The following CHRNB1 variants were observed in gnomAD, a reference collection of about 807,000 sequenced individuals.
The protein encoded by CHRNB1 is acetylcholine receptor subunit beta.
In CHRNB1, 47 loss-of-function variants were observed where a neutral mutation model predicts 53.8. The observed-to-expected ratio is 0.87, with a 90% CI of 0.69 to 1.11. The LOEUF is 1.11. Among genes scored for constraint, CHRNB1 ranks in the 50% most tolerant of loss-of-function variants. The probability of loss-of-function intolerance (pLI) is 0.00; values close to 1 mark genes in which losing one functional copy is unlikely to be tolerated. For synonymous variants in CHRNB1, 259 were observed against 263.5 expected (o/e 0.98, Z 0.16); for missense variants, 605 against 654.9 (o/e 0.92, Z 0.83).
At chr17:7,454,702 C>G (rs1909009457) in intron 8 of CHRNB1, among the ~76,000 whole-genome samples, 182 bp downstream of exon 8, 1 of 151,344 alleles carries the variant, frequency 6.6e-6, no homozygotes. Flanking sequence ...TACTGCCCAT[C>G]TCGGGTCCCA....
At chr17:7,452,589 G>T (rs751659505) in intron 7 of CHRNB1, among the ~76,000 whole-genome samples, 2 of 152,164 alleles carry the variant, frequency 1.3e-5, no homozygotes, top group Non-Finnish European at 1.5e-5. Context: ...ACATACTCAC[G>T]AGTGTGCCAT....
In CHRNB1 at chr17:7,445,223, C is replaced by A. The variant is rs200985395; in HGVS notation, c.58+38C>A. The stretch of plus-strand genomic sequence containing the variant: ...CCCGAAGGGGCAGTGACGGGGCCAG[C>A]GGTCGTGGCCAGGCACCAGGGCTGC... On this transcript the variant is annotated intron_variant, in intron 1 of 10. Coordinates refer to ENST00000306071, the MANE Select transcript of CHRNB1 (RefSeq NM_000747.3). The surrounding 1 kb of genome is among the most constrained non-coding windows in gnomAD (Gnocchi z 5.7). 1.2e-4 allele frequency: 196 copies of A among 1,611,342 alleles called. 1 individual carries two copies. The highest frequency in any genetic ancestry group is 1.2e-5 in the Non-Finnish European group (14 of 1,179,370).
In CHRNB1 at chr17:7,445,427, G is replaced by C; in HGVS notation, c.198+18G>C. ...TCAGCCTGGTGAGGGCGCGCGGGGG[G>C]TGGAGGTCAGGCCAGCCGACCGGCC... On this transcript the variant is annotated intron_variant, in intron 2 of 10. Coordinates refer to ENST00000306071, the MANE Select transcript of CHRNB1 (RefSeq NM_000747.3). The surrounding 1 kb of genome is among the most constrained non-coding windows in gnomAD (Gnocchi z 5.7). 6.2e-7 allele frequency: 1 copy of C among 1,609,730 alleles called. No homozygotes were observed. The highest frequency in any genetic ancestry group is 1.1e-5 in the South Asian group (1 of 90,810).
chr17:7,448,602 C>T lies in CHRNB1; in HGVS notation c.634C>T (p.His212Tyr), dbSNP rs1330559735. ...AGAGAATGGCCAGTGGGAGATTATCCACAAGCCCTCTCGGCTAATCCAGCC... is the reference window on the plus strand; with the variant it reads ...AGAGAATGGCCAGTGGGAGATTATCTACAAGCCCTCTCGGCTAATCCAGCC... Reference protein sequence around the residue: ...FIENGQWEIIHKPSRLIQPPG... With the variant: ...FIENGQWEIIYKPSRLIQPPG... Residue 212 changes from histidine (H) to tyrosine (Y), a missense_variant, in exon 7 of 11, where the codon CAC (histidine) becomes TAC (tyrosine). His to Tyr is a moderately conservative substitution (Grantham distance 83). Transcript: ENST00000306071. 6.2e-7 allele frequency: 1 copy of T among 1,614,138 alleles called. No individual in the cohort carries two copies. The highest frequency in any genetic ancestry group is 8.5e-7 in the Non-Finnish European group (1 of 1,180,018).
At chr17:7,454,568 T>G in intron 8 of CHRNB1, 48 bp downstream of exon 8, 1 of 1,436,792 alleles carries the variant, frequency 7.0e-7, no homozygotes, top group Non-Finnish European at 9.8e-7. Context: ...TTACAGACCA[T>G]AGGGAGAACT....
Position 7,456,584 on chromosome 17 carries a change from T to A in CHRNB1, c.1367T>A (p.Leu456Gln). ...QLQEQEDHDA[L>Q]KEDWQFVAMV... ...GAAGTTTCCTTTGCCTACCCACAGC[T>A]GAAGGAGGACTGGCAGTTTGTGGCC... Residue 456 changes from leucine to glutamine, a missense_variant and splice_region_variant, in exon 11 of 11, where the codon CTG (leucine) becomes CAG (glutamine). Transcript: ENST00000306071. 1 of 1,614,064 alleles carries A rather than the reference T, an allele frequency of 6.2e-7. No homozygotes were observed. The highest frequency in any genetic ancestry group is 8.5e-7 in the Non-Finnish European group (1 of 1,180,002).
chr17:7,447,331 C>G, intron 5 of CHRNB1, 172 bp from the exon 6 acceptor site: 1 of 925,808 alleles, frequency 1.1e-6, no homozygotes, highest in Non-Finnish European at 1.7e-6. Context: ...TCTTTGACTT[C>G]TAGTCTTACT....
At chr17:7,456,137 C>T (rs1268473216) in intron 10 of CHRNB1, among the ~76,000 whole-genome samples, 196 bp downstream of exon 10, 1 of 147,514 alleles carries the variant, frequency 6.8e-6, no homozygotes, top group Non-Finnish European at 1.5e-5. Context: ...TCACTGCAAC[C>T]TCCGCCTACG....
chr17:7,447,810 G>T (rs1908704757), intron 6 of CHRNB1, among the ~76,000 whole-genome samples, 160 bp downstream of exon 6: 1 of 152,142 alleles, frequency 6.6e-6, no homozygotes, highest in Non-Finnish European at 1.5e-5. Context: ...GGGGGCAGTG[G>T]TTCATGCCTG....
intron 3 of CHRNB1, 164 bp from the exon 4 acceptor site, chr17:7,446,669 C>T (rs940085428): frequency 1.1e-5 from 7 of 622,854 alleles, no homozygotes; most frequent in Admixed American, 2.6e-5. Flanking sequence ...ATGTGGATCC[C>T]AGCGAGTGAA....
At chr17:7,448,475 T>A in intron 6 of CHRNB1, 104 bp from the exon 7 acceptor site, 1 of 1,066,338 alleles carries the variant, frequency 9.4e-7, no homozygotes, top group Non-Finnish European at 1.4e-6. Context: ...GCTAGTTTCA[T>A]CAAGTCAGCC....
chr17:7,455,258 A>G (rs762833042), intron 8 of CHRNB1, 26 bp from the exon 9 acceptor site: 2 of 1,613,740 alleles, frequency 1.2e-6, no homozygotes, highest in East Asian at 2.2e-5. Flanking sequence ...GAAAGCCCCC[A>G]CCAATACGCC....
intron 7 of CHRNB1, among the ~76,000 whole-genome samples, chr17:7,449,253 G>A (rs1308019245): frequency 6.6e-6 from 1 of 151,356 alleles, no homozygotes; most frequent in African/African-American, 2.4e-5. Flanking sequence ...ACAGGTGCCC[G>A]CCACCACGCC....
chr17:7,455,564 A>T (rs903450905), intron 9 of CHRNB1, 108 bp downstream of exon 9: 4 of 1,409,524 alleles, frequency 2.8e-6, no homozygotes, highest in African/African-American at 1.4e-5. Context: ...GTGGTTGAGC[A>T]TCATGGGAGT....
At chr17:7,447,404 C>A in intron 5 of CHRNB1, 99 bp from the exon 6 acceptor site, 1 of 1,430,426 alleles carries the variant, frequency 7.0e-7, no homozygotes, top group Non-Finnish European at 9.8e-7. Context: ...TCCAATTCCT[C>A]CATGATTTCC....
Position 7,445,889 on chromosome 17 carries a change from G to A in CHRNB1, c.199-180G>A. On this transcript the variant is annotated intron_variant, in intron 2 of 10. Coordinates refer to ENST00000306071, the MANE Select transcript of CHRNB1 (RefSeq NM_000747.3). The surrounding 1 kb of genome is among the most constrained non-coding windows in gnomAD (Gnocchi z 5.7). ...GCTGGGAGTGTAGACGGCAGGAAGA[G>A]GTGTTTCTGAGATAGAGGCAGGTCT... 1 of 665,160 alleles carries A rather than the reference G, an allele frequency of 1.5e-6. No individual in the cohort carries two copies. The highest frequency in any genetic ancestry group is 2.7e-6 in the Non-Finnish European group (1 of 369,154). The allele number at this position is 665,160 out of a possible 1,614,324, so 41.2% of individuals were successfully genotyped here.
intron 7 of CHRNB1, among the ~76,000 whole-genome samples, chr17:7,449,699 C>T (rs954627441): frequency 7.2e-5 from 11 of 151,890 alleles, no homozygotes; most frequent in East Asian, 1.9e-4. Flanking sequence ...CATGAGCCAC[C>T]GCGCTCGGCC....
At position 7,445,425 on chromosome 17, in the gene CHRNB1, G is replaced by T. The variant is rs746539526; in HGVS notation, c.198+16G>T. 2 of 1,610,462 alleles carry T rather than the reference G, an allele frequency of 1.2e-6. No individual in the cohort carries two copies. The highest frequency in any genetic ancestry group is 1.1e-5 in the South Asian group (1 of 90,860). ...CATCAGCCTGGTGAGGGCGCGCGGG[G>T]GGTGGAGGTCAGGCCAGCCGACCGG... On this transcript the variant is annotated intron_variant, in intron 2 of 10. Transcript: ENST00000306071. The surrounding 1 kb of genome is among the most constrained non-coding windows in gnomAD (Gnocchi z 5.7).
At position 7,457,206 on chromosome 17, in the gene CHRNB1, A is replaced by G. The variant is rs1179351706; in HGVS notation, c.*483A>G. On this transcript the variant is annotated 3_prime_UTR_variant, in exon 11 of 11. Transcript: ENST00000306071. ...GTGGTACATGCCTGTAATCCCAGCTACTAGGGAGGCTGAGGCAGGAGAATC... is the reference window on the plus strand; with the variant it reads ...GTGGTACATGCCTGTAATCCCAGCTGCTAGGGAGGCTGAGGCAGGAGAATC... The G allele has an allele frequency of 5.9e-6, 1 of 169,364 alleles. No individual in the cohort carries two copies. The highest frequency in any genetic ancestry group is 2.4e-5 in the African/African-American group (1 of 41,798). The allele number at this position is 169,364 out of a possible 1,614,324, so 10.5% of individuals were successfully genotyped here.
Sources: allele counts gnomAD v4.1 joint callset (sites outside exome capture counted in the v4.1 genomes callset), GRCh38; gene constraint gnomAD v4.1.1; non-coding constraint Gnocchi (gnomAD v3.1); transcripts MANE v1.5; gene names NCBI Gene and HGNC (gene_info 2026-07-23, HGNC 2026-07-21).